MAP3K13: variants seen among roughly 807,000 people sequenced by gnomAD.
The protein encoded by MAP3K13 is leucine zipper-bearing kinase.
Under a neutral mutation model 104.0 loss-of-function variants are expected in MAP3K13, and 52 were observed. The observed-to-expected ratio is 0.50, with a 90% CI of 0.40 to 0.63. The LOEUF (loss-of-function observed/expected upper bound fraction) is 0.63. Ranked by LOEUF, MAP3K13 falls within the 20% of genes least tolerant of loss-of-function variation. The pLI is 0.00. For missense variants in MAP3K13, 914 were observed against 1,218.5 expected (o/e 0.75, Z 3.72); for synonymous variants, 394 against 442.2 (o/e 0.89, Z 1.37).
At chr3:185,411,647 A>G (rs1577524618) in intron 1 of MAP3K13, among the ~76,000 whole-genome samples, 1 of 152,246 alleles carries the variant, frequency 6.6e-6, no homozygotes, top group Non-Finnish European at 1.5e-5. Context: ...TACTTCAAAT[A>G]GTAATTTCTA....
At chr3:185,339,754 C>G (rs537247770) in intron 2 of MAP3K13, among the ~76,000 whole-genome samples, 19 of 152,292 alleles carry the variant, frequency 1.2e-4, no homozygotes, top group African/African-American at 4.6e-4. Context: ...AAATAAGCAG[C>G]CAGCTGGATT....
At chr3:185,378,007 G>A (rs113637331) in intron 1 of MAP3K13, among the ~76,000 whole-genome samples, 6 of 149,966 alleles carry the variant, frequency 4.0e-5, no homozygotes, top group South Asian at 2.1e-4. Context: ...CTCCTGGGGT[G>A]GGGGGAGGTT....
At chr3:185,400,087 C>G (rs1005321374) in intron 1 of MAP3K13, among the ~76,000 whole-genome samples, 2 of 152,268 alleles carry the variant, frequency 1.3e-5, no homozygotes, top group East Asian at 3.9e-4. Flanking sequence ...ATCATGTCAC[C>G]TCCCTTCACC....
intron 2 of MAP3K13, among the ~76,000 whole-genome samples, chr3:185,332,083 A>C (rs1722305001): frequency 1.3e-5 from 2 of 152,204 alleles, no homozygotes; most frequent in Admixed American, 6.5e-5. Flanking sequence ...ACAATGCTGA[A>C]GTTCATAGCC....
In MAP3K13 at chr3:185,487,354, T is replaced by C. The variant is rs1050437524; in HGVS notation, c.*4898T>C. The C allele has an allele frequency of 6.6e-6, 1 of 150,532 alleles. No homozygotes were observed. Among genetic ancestry groups the C allele is most frequent in the Non-Finnish European group, 1.5e-5 (1 of 67,816 alleles). 9.3% of individuals were successfully genotyped at this position (150,532 alleles called of 1,614,324 possible). On this transcript the variant is annotated 3_prime_UTR_variant, in exon 14 of 14. Coordinates refer to ENST00000265026, the MANE Select transcript of MAP3K13 (RefSeq NM_004721.5). ...AATTTTTTTTTTTTTTTTGTAGAGATGGGCGTCTCCCTGTGTTGCCCAGGC... is the reference window on the plus strand; with the variant it reads ...AATTTTTTTTTTTTTTTTGTAGAGACGGGCGTCTCCCTGTGTTGCCCAGGC...
chr3:185,421,906 T>C lies in MAP3K13; in HGVS notation c.-85-6591T>C, dbSNP rs745889934. Among the ~76,000 whole-genome samples, 4 of 152,256 alleles carry C rather than the reference T, an allele frequency of 2.6e-5. No homozygotes were observed. The East Asian group carries it at 7.7e-4, about 29-fold the overall frequency. On this transcript the variant is annotated intron_variant, in intron 1 of 13. Transcript: ENST00000265026. ...AGTCAGCTCTGATCATATTTGAATA[T>C]AGCCATGGTGATGATTTTTCTTTCC...
intron 7 of MAP3K13, among the ~76,000 whole-genome samples, chr3:185,455,225 ATATATATGAGATATATATATG>A (rs1200030941): frequency 1.1e-5 from 1 of 93,428 alleles, no homozygotes; most frequent in Non-Finnish European, 2.1e-5. Context: ...TATATATATG[ATATATATGAGATATATATATG>A]ATATATATGA....
At chr3:185,284,547 C>T (rs781111542) in intron 1 of MAP3K13, among the ~76,000 whole-genome samples, 67 of 151,996 alleles carry the variant, frequency 4.4e-4, no homozygotes, top group Non-Finnish European at 8.4e-4. Context: ...GAAACCCCAT[C>T]TCTACTAAAA....
rs141802541 is a variant in MAP3K13 at position 185,452,808 on chromosome 3, A to G, written c.1278+1413A>G. Among the ~76,000 whole-genome samples, 885 of 152,282 alleles carry G rather than the reference A, an allele frequency of 5.8e-3. 5 individuals carry two copies. Among genetic ancestry groups the G allele is most frequent in the African/African-American group, 0.019 (787 of 41,558 alleles). On this transcript the variant is annotated intron_variant, in intron 7 of 13. Transcript: ENST00000265026. ...CAGGCCACCTTGGGCTTGTTCACATAGTGTTCTCAGGGTAACAAATGTAGC... is the reference window on the plus strand; with the variant it reads ...CAGGCCACCTTGGGCTTGTTCACATGGTGTTCTCAGGGTAACAAATGTAGC...
At chr3:185,380,965 T>TG in intron 1 of MAP3K13, among the ~76,000 whole-genome samples, 1 of 151,762 alleles carries the variant, frequency 6.6e-6, no homozygotes, top group South Asian at 2.1e-4. Context: ...TTTTGTTTTT[T>TG]TTTGTTTTTC....
At chr3:185,331,358 G>A (rs957630029) in intron 2 of MAP3K13, among the ~76,000 whole-genome samples, 3 of 151,914 alleles carry the variant, frequency 2.0e-5, no homozygotes, top group Non-Finnish European at 4.4e-5. Flanking sequence ...GCCTCCCAAA[G>A]TGCTGGGATT....
intron 1 of MAP3K13, among the ~76,000 whole-genome samples, chr3:185,373,205 T>A (rs534433204): frequency 6.6e-6 from 1 of 152,338 alleles, no homozygotes; most frequent in African/African-American, 2.4e-5. Context: ...GTTTTGGACC[T>A]GTGCTTTCAT....
chr3:185,373,886 G>A (rs888262907), intron 1 of MAP3K13, among the ~76,000 whole-genome samples: 2 of 148,180 alleles, frequency 1.3e-5, no homozygotes, highest in Admixed American at 6.8e-5. Flanking sequence ...GGGTGCAGGC[G>A]GGCTGAGTCC....
At chr3:185,477,418 G>A (rs1718193244) in intron 12 of MAP3K13, 22 bp downstream of exon 12, 5 of 1,586,312 alleles carry the variant, frequency 3.2e-6, no homozygotes, top group Non-Finnish European at 3.5e-6. Context: ...AAATGCACAC[G>A]ATTGCTTTTA....
chr3:185,455,310 G>GATATATATGAGATATATATGAT lies in MAP3K13; in HGVS notation c.1278+3922_1278+3943dup, dbSNP rs1560119089. ...AGATATATATATGAGATATATATGAGATATATATGAGATATATATGATATA... is the reference window on the plus strand; with the variant it reads ...AGATATATATATGAGATATATATGAGATATATATGAGATATATATGATATATATATGAGATATATATGATATA... On this transcript the variant is annotated intron_variant, in intron 7 of 13. Transcript: ENST00000265026. 4.4e-3 allele frequency among the ~76,000 whole-genome samples: 66 copies of GATATATATGAGATATATATGAT among 14,916 alleles called. 8 individuals are homozygous for GATATATATGAGATATATATGAT. The highest frequency in any genetic ancestry group is 8.0e-3 in the Non-Finnish European group (48 of 6,026). The allele number at this position is 14,916 out of a possible 152,430, so 9.8% of individuals were successfully genotyped here. A position where few individuals can be genotyped will look rare whatever the true frequency, so the allele number is the denominator to read the frequency against.
intron 13 of MAP3K13, chr3:185,481,296 T>A (rs925277821): frequency 6.6e-6 from 1 of 152,180 alleles, no homozygotes; most frequent in African/African-American, 2.4e-5. Flanking sequence ...CTGAGCAACA[T>A]AGCAAGACCT....
chr3:185,400,615 G>A (rs183283770), intron 1 of MAP3K13, among the ~76,000 whole-genome samples: 197 of 152,228 alleles, frequency 1.3e-3, no homozygotes, highest in African/African-American at 4.6e-3. Flanking sequence ...AAATCGGATG[G>A]GTGCTTTTCT....
intron 2 of MAP3K13, among the ~76,000 whole-genome samples, chr3:185,303,110 A>C (rs1053260696): frequency 6.6e-5 from 10 of 152,130 alleles, no homozygotes; most frequent in Non-Finnish European, 1.2e-4. Context: ...TTTGGCCTTC[A>C]TTGTGTTAAT....
chr3:185,345,535 C>T (rs539306635), intron 2 of MAP3K13, among the ~76,000 whole-genome samples: 1 of 152,272 alleles, frequency 6.6e-6, no homozygotes, highest in East Asian at 1.9e-4. Flanking sequence ...CTGAGTTCCC[C>T]CTCCTGTCAG....
Sources: gnomAD v4.1 joint callset for allele counts (sites outside exome capture counted in the v4.1 genomes callset) on GRCh38, gnomAD v4.1.1 for gene constraint, MANE v1.5 for transcripts, NCBI Gene and HGNC (gene_info 2026-07-23, HGNC 2026-07-21) for gene names.